Variants in SVOP observed in about 807,000 individuals in gnomAD.
SVOP encodes SV2 related protein, also known as synaptic vesicle 2-related protein.
In SVOP, 17 loss-of-function variants were observed where a neutral mutation model predicts 69.1. The ratio of observed to expected loss-of-function variants is 0.25; its 90% CI spans 0.17 to 0.37. SVOP has a LOEUF of 0.37. Ranked by LOEUF, SVOP falls within the 10% of genes least tolerant of loss-of-function variation. The pLI is 1.00. For missense variants in SVOP, 435 were observed against 597.5 expected (o/e 0.73, Z 2.84); for synonymous variants, 238 against 238.6 (o/e 1.00, Z 0.02).
intron 14 of SVOP, among the ~76,000 whole-genome samples, chr12:108,917,141 A>G (rs979368306): frequency 6.6e-6 from 1 of 152,230 alleles, no homozygotes; most frequent in Non-Finnish European, 1.5e-5. Flanking sequence ...AACAAATGCA[A>G]TGCTCAGTGT....
Position 108,909,411 on chromosome 12 carries a change from G to A in SVOP, c.*3124C>T, listed in dbSNP as rs1382176292. ...GGCACCTGTAATCCCAGCTACTCAGGAGGCTGAGGAGGGAGAATCGCTTGA... is the reference window on the plus strand; with the variant it reads ...GGCACCTGTAATCCCAGCTACTCAGAAGGCTGAGGAGGGAGAATCGCTTGA... On this transcript the variant is annotated 3_prime_UTR_variant, in exon 16 of 16. Transcript: ENST00000610966. 6.6e-6 allele frequency: 1 copy of A among 151,690 alleles called. No homozygotes were observed. The highest frequency in any genetic ancestry group is 1.5e-5 in the Non-Finnish European group (1 of 68,002). The allele number at this position is 151,690 out of a possible 1,614,324, so 9.4% of individuals were successfully genotyped here.
intron 1 of SVOP, 76 bp downstream of exon 1, chr12:109,020,758 C>CA: frequency 3.4e-6 from 1 of 293,768 alleles, no homozygotes; most frequent in Non-Finnish European, 6.7e-6. Flanking sequence ...AGATGTACCC[C>CA]CCCCCACCCC....
intron 1 of SVOP, among the ~76,000 whole-genome samples, chr12:109,015,339 C>A (rs889610275): frequency 6.6e-6 from 1 of 152,114 alleles, no homozygotes; most frequent in African/African-American, 2.4e-5. Context: ...TCCCTCTGGC[C>A]ACTGGGTTGA....
At chr12:108,959,076 C>T (rs948622254) in intron 6 of SVOP, among the ~76,000 whole-genome samples, 6 of 152,306 alleles carry the variant, frequency 3.9e-5, no homozygotes, top group African/African-American at 9.6e-5. Flanking sequence ...CTCAATGCTG[C>T]GTCCTGGCAC....
intron 4 of SVOP, among the ~76,000 whole-genome samples, chr12:108,974,878 T>G (rs1389943562): frequency 6.6e-6 from 1 of 152,206 alleles, no homozygotes; most frequent in Non-Finnish European, 1.5e-5. Context: ...CAGGTAAGTA[T>G]TTCCATTTTT....
intron 12 of SVOP, among the ~76,000 whole-genome samples, chr12:108,921,267 TAGAC>T (rs1159185674): frequency 2.6e-5 from 4 of 152,264 alleles, no homozygotes; most frequent in Non-Finnish European, 4.4e-5. Flanking sequence ...AGAGGAAAGA[TAGAC>T]AGTGTAGTAT....
At chr12:108,931,295 C>T (rs1295889233) in intron 11 of SVOP, among the ~76,000 whole-genome samples, 1 of 152,180 alleles carries the variant, frequency 6.6e-6, no homozygotes, top group Non-Finnish European at 1.5e-5. Context: ...CAAGCAGGAA[C>T]TTGATTCTTT....
intron 1 of SVOP, among the ~76,000 whole-genome samples, chr12:109,002,915 A>G (rs1205477796): frequency 6.6e-6 from 1 of 151,908 alleles, no homozygotes; most frequent in African/African-American, 2.4e-5. Flanking sequence ...ATATGTAACT[A>G]ACCTGCACAA....
chr12:108,967,304 T>A (rs1250105761), intron 5 of SVOP, among the ~76,000 whole-genome samples: 1 of 151,712 alleles, frequency 6.6e-6, no homozygotes, highest in Non-Finnish European at 1.5e-5. Flanking sequence ...ATCGAGACCA[T>A]CCTGGCTAAC....
At chr12:108,918,817 GA>G (rs1332937068) in intron 13 of SVOP, among the ~76,000 whole-genome samples, 2 of 152,148 alleles carry the variant, frequency 1.3e-5, no homozygotes, top group Non-Finnish European at 2.9e-5. Flanking sequence ...ATTGGGAGAT[GA>G]TATCAAAAGT....
chr12:108,925,595 G>T (rs2039775621), intron 11 of SVOP, among the ~76,000 whole-genome samples: 1 of 152,154 alleles, frequency 6.6e-6, no homozygotes, highest in Non-Finnish European at 1.5e-5. Flanking sequence ...AAAAGCCAAA[G>T]TCCTTCAAAA....
intron 11 of SVOP, among the ~76,000 whole-genome samples, chr12:108,928,224 C>T (rs1190483721): frequency 1.3e-5 from 2 of 152,036 alleles, no homozygotes; most frequent in African/African-American, 4.8e-5. Flanking sequence ...CCCCCCTGAC[C>T]CCCACCATTT....
intron 2 of SVOP, among the ~76,000 whole-genome samples, chr12:108,982,794 T>TCAA (rs2040146220): frequency 7.0e-6 from 1 of 142,466 alleles, no homozygotes; most frequent in Non-Finnish European, 1.5e-5. Flanking sequence ...ATCACTATCA[T>TCAA]CATCATCACC....
chr12:108,954,534 T>C (rs1212550002), intron 6 of SVOP, among the ~76,000 whole-genome samples: 2 of 152,216 alleles, frequency 1.3e-5, no homozygotes, highest in East Asian at 1.9e-4. Context: ...CCTGGTGTCC[T>C]GTGCCATAAT....
chr12:108,934,421 G>A, intron 10 of SVOP, 150 bp from the exon 11 acceptor site: 1 of 615,320 alleles, frequency 1.6e-6, no homozygotes, highest in Non-Finnish European at 2.9e-6. Context: ...GGGACCTTGA[G>A]CAAGAAGATG....
intron 1 of SVOP, among the ~76,000 whole-genome samples, chr12:109,012,366 A>G (rs1312431420): frequency 1.3e-5 from 2 of 152,178 alleles, no homozygotes; most frequent in Non-Finnish European, 2.9e-5. Context: ...ATAACAATTT[A>G]GAGTATTGTA....
chr12:108,978,857 G>A (rs1251291593), intron 2 of SVOP, among the ~76,000 whole-genome samples, 194 bp from the exon 3 acceptor site: 4 of 152,012 alleles, frequency 2.6e-5, no homozygotes, highest in East Asian at 1.9e-4. Context: ...CGGGAGAAAC[G>A]GAAAAACCCA....
intron 1 of SVOP, among the ~76,000 whole-genome samples, chr12:108,989,186 C>T (rs2040184553): frequency 2.0e-5 from 3 of 152,174 alleles, no homozygotes; most frequent in African/African-American, 2.4e-5. Flanking sequence ...CCTCCTGCCT[C>T]AGCCTCCTGA....
chr12:108,988,817 G>A (rs1370472122), intron 1 of SVOP, among the ~76,000 whole-genome samples: 4 of 130,794 alleles, frequency 3.1e-5, no homozygotes, highest in African/African-American at 1.2e-4. Flanking sequence ...GTGACACCCA[G>A]GCTGGAGTGC....
Sources: allele counts gnomAD v4.1 joint callset (sites outside exome capture counted in the v4.1 genomes callset), GRCh38; gene constraint gnomAD v4.1.1; transcripts MANE v1.5; gene names NCBI Gene and HGNC (gene_info 2026-07-23, HGNC 2026-07-21).